The following ANKFY1 variants were observed in gnomAD, a reference collection of about 807,000 sequenced individuals.
ANKFY1 encodes the protein ankyrin repeat and FYVE domain-containing protein 1.
Under a neutral mutation model 128.3 loss-of-function variants are expected in ANKFY1, and 47 were observed. The ratio of observed to expected loss-of-function variants is 0.37; its 90% CI spans 0.29 to 0.47. The LOEUF (loss-of-function observed/expected upper bound fraction) is 0.47, where lower values mean the gene tolerates loss of function less well. Ranked by LOEUF, ANKFY1 falls within the 20% of genes least tolerant of loss-of-function variation. The pLI, the probability that ANKFY1 is intolerant of heterozygous loss-of-function variation, is 1.00. For missense variants in ANKFY1, 1,222 were observed against 1,510.6 expected (o/e 0.81, Z 3.17); for synonymous variants, 553 against 601.6 (o/e 0.92, Z 1.18).
chr17:4,190,163 C>T (rs2059692051), intron 10 of ANKFY1, among the ~76,000 whole-genome samples: 1 of 152,120 alleles, frequency 6.6e-6, no homozygotes, highest in African/African-American at 2.4e-5. Context: ...AGATGTTGGC[C>T]AGTGTGGTGG....
intron 10 of ANKFY1, among the ~76,000 whole-genome samples, chr17:4,189,959 G>T (rs1266214993): frequency 6.6e-6 from 1 of 152,308 alleles, no homozygotes; most frequent in Admixed American, 6.5e-5. Flanking sequence ...TCCTCCCTGG[G>T]ATTCCCGCTA....
intron 24 of ANKFY1, among the ~76,000 whole-genome samples, chr17:4,168,453 AAAAC>A (rs1195828349): frequency 1.3e-5 from 2 of 152,010 alleles, no homozygotes; most frequent in Non-Finnish European, 2.9e-5. Context: ...CTATGTCTCA[AAAAC>A]AAACAAAAAG....
At chr17:4,205,258 T>C (rs2060001358) in intron 7 of ANKFY1, among the ~76,000 whole-genome samples, 1 of 152,218 alleles carries the variant, frequency 6.6e-6, no homozygotes, top group Admixed American at 6.5e-5. Flanking sequence ...AACTAACGCT[T>C]TGACACTTTG....
intron 13 of ANKFY1, 121 bp from the exon 14 acceptor site, chr17:4,183,672 C>T (rs991810865): frequency 6.3e-6 from 9 of 1,422,702 alleles, no homozygotes; most frequent in Non-Finnish European, 8.7e-6. Context: ...ATCTAACAGG[C>T]TTAACTCAAA....
chr17:4,232,291 G>C (rs1046805148), intron 3 of ANKFY1, among the ~76,000 whole-genome samples: 3 of 152,140 alleles, frequency 2.0e-5, no homozygotes, highest in African/African-American at 7.2e-5. Context: ...AGTGCTTCCA[G>C]GTATCACATA....
At chr17:4,223,817 G>A in intron 3 of ANKFY1, 2 of 1,413,534 alleles carry the variant, frequency 1.4e-6, no homozygotes, top group Non-Finnish European at 2.0e-6. Context: ...CAGGCCTGGG[G>A]GCCTACGTCT....
At position 4,172,580 on chromosome 17, in the gene ANKFY1, T is replaced by C. The variant is rs2059341344; in HGVS notation, c.3115A>G (p.Lys1039Glu). Residue 1039 changes from lysine to glutamate, a missense_variant, in exon 22 of 25, where the codon AAG (lysine) becomes GAG (glutamate). Physicochemically the swap from Lys to Glu is moderately conservative, Grantham distance 56. Coordinates refer to ENST00000341657, the MANE Select transcript of ANKFY1 (RefSeq NM_001330063.2). ...CCCGTGCTGCCGTCTGCATCCGGCT[T>C]GTCCAGAGGATACCCCGGCATGCAT... ...LECMPGYPLD[K>E]PDADGSTVLL... is the part of the protein sequence containing the mutation. 5.6e-6 allele frequency: 9 copies of C among 1,613,886 alleles called. No individual in the cohort carries two copies. Among genetic ancestry groups the C allele is most frequent in the Non-Finnish European group, 7.6e-6 (9 of 1,179,914 alleles).
intron 10 of ANKFY1, among the ~76,000 whole-genome samples, chr17:4,190,666 A>G (rs1158231095): frequency 1.3e-5 from 2 of 152,212 alleles, no homozygotes; most frequent in Admixed American, 1.3e-4. Context: ...TCTTTTCTAA[A>G]TAAAAACCTT....
intron 10 of ANKFY1, chr17:4,191,178 C>T (rs1385687680): frequency 2.0e-5 from 3 of 152,400 alleles, no homozygotes; most frequent in Non-Finnish European, 4.4e-5. Flanking sequence ...TACTACTTTG[C>T]TTTCATACCA....
intron 1 of ANKFY1, among the ~76,000 whole-genome samples, chr17:4,257,036 A>T (rs1269791035): frequency 6.6e-6 from 1 of 152,198 alleles, no homozygotes. Context: ...GGCAAAGCAA[A>T]TATGTCCAAA....
chr17:4,250,152 G>A (rs80155356), intron 1 of ANKFY1, among the ~76,000 whole-genome samples: 76 of 152,192 alleles, frequency 5.0e-4, no homozygotes, highest in African/African-American at 1.7e-3. Context: ...ACCTACATCT[G>A]AACTTTTTCT....
chr17:4,206,603 C>T (rs1391412703), intron 6 of ANKFY1, 117 bp from the exon 7 acceptor site: 6 of 894,772 alleles, frequency 6.7e-6, no homozygotes, highest in Non-Finnish European at 1.0e-5. Context: ...TTTAAGTGCT[C>T]CAACACTGCT....
intron 5 of ANKFY1, 27 bp downstream of exon 5, chr17:4,209,796 CT>C (rs1271482953): frequency 6.3e-7 from 1 of 1,592,224 alleles, no homozygotes; most frequent in Admixed American, 1.7e-5. Context: ...AGCTAGAGTG[CT>C]TTGTTGACAC....
intron 3 of ANKFY1, among the ~76,000 whole-genome samples, chr17:4,230,513 C>T (rs964528490): frequency 6.6e-6 from 1 of 152,186 alleles, no homozygotes; most frequent in Admixed American, 6.5e-5. Flanking sequence ...CTTTACTTCA[C>T]CAAGAAGTAA....
At chr17:4,223,951 G>C in intron 3 of ANKFY1, 1 of 557,216 alleles carries the variant, frequency 1.8e-6, no homozygotes, top group Non-Finnish European at 3.2e-6. Context: ...CAATGCTTTA[G>C]AATCTGAACT....
At chr17:4,236,622 T>G (rs531167536) in intron 2 of ANKFY1, among the ~76,000 whole-genome samples, 1 of 152,188 alleles carries the variant, frequency 6.6e-6, no homozygotes, top group East Asian at 1.9e-4. Flanking sequence ...AACGTCAAGA[T>G]GACCCACTAG....
At chr17:4,243,176 C>T (rs1284803783) in intron 1 of ANKFY1, among the ~76,000 whole-genome samples, 1 of 152,106 alleles carries the variant, frequency 6.6e-6, no homozygotes, top group African/African-American at 2.4e-5. Flanking sequence ...AAGCGATTCT[C>T]CTGCCTCAGC....
chr17:4,252,483 T>C (rs1417373764), intron 1 of ANKFY1, among the ~76,000 whole-genome samples: 1 of 152,046 alleles, frequency 6.6e-6, no homozygotes, highest in East Asian at 1.9e-4. Context: ...ATGGAAGGAC[T>C]GCTTGAGCCC....
chr17:4,242,803 T>C (rs749141014), intron 1 of ANKFY1, among the ~76,000 whole-genome samples: 19 of 152,232 alleles, frequency 1.2e-4, no homozygotes, highest in South Asian at 4.1e-4. Context: ...AAGACCATCA[T>C]GGTTACAGGG....
Sources: allele counts gnomAD v4.1 joint callset (sites outside exome capture counted in the v4.1 genomes callset), GRCh38; gene constraint gnomAD v4.1.1; transcripts MANE v1.5; gene names NCBI Gene and HGNC (gene_info 2026-07-23, HGNC 2026-07-21).